The following NDUFC1 variants were observed in gnomAD, a reference collection of about 807,000 sequenced individuals.
NDUFC1 encodes the protein NADH dehydrogenase [ubiquinone] 1 subunit C1, mitochondrial.
A neutral mutation model predicts 11.6 loss-of-function variants in NDUFC1; 11 were observed. That is an observed-to-expected ratio of 0.95 (90% CI 0.60 to 1.58). NDUFC1 has a LOEUF of 1.58. Ranked by LOEUF, NDUFC1 falls within the 40% of genes most tolerant of loss-of-function variation. The pLI, the probability that NDUFC1 is intolerant of heterozygous loss-of-function variation, is 0.00. For missense variants in NDUFC1, 112 were observed against 93.0 expected (o/e 1.20, Z -0.84); for synonymous variants, 52 against 42.2 (o/e 1.23, Z -0.90).
chr4:139,289,919 G>C (rs545987938), downstream of NDUFC1: 1 of 152,282 alleles, frequency 6.6e-6, no homozygotes, highest in African/African-American at 2.4e-5. Flanking sequence ...TCTACAAGTT[G>C]TCACAATATG....
chr4:139,298,571 T>C (rs946648812), intron 1 of NDUFC1, among the ~76,000 whole-genome samples: 1 of 151,930 alleles, frequency 6.6e-6, no homozygotes, highest in African/African-American at 2.4e-5. Flanking sequence ...CTGGGCAACA[T>C]TGAGAAATCC....
intron 4 of NDUFC1, among the ~76,000 whole-genome samples, chr4:139,292,881 C>T (rs556842999): frequency 1.6e-4 from 25 of 151,872 alleles, no homozygotes; most frequent in African/African-American, 6.0e-4. Flanking sequence ...AGTGGAATGG[C>T]GTGATCTTGG....
intron 3 of NDUFC1, among the ~76,000 whole-genome samples, chr4:139,295,376 G>A (rs6815500): frequency 0.27 from 40,407 of 151,962 alleles, 5,682 homozygotes; most frequent in African/African-American, 0.35. Flanking sequence ...CTCGTTTAAG[G>A]GCTTGCGGAC....
intron 5 of NDUFC1, among the ~76,000 whole-genome samples, chr4:139,291,059 G>A (rs546322722): frequency 2.0e-5 from 3 of 150,822 alleles, no homozygotes; most frequent in Non-Finnish European, 4.4e-5. Flanking sequence ...TGATCCACTC[G>A]CCTCAGCCTC....
At position 139,301,848 on chromosome 4, in the gene NDUFC1, G is replaced by A. The variant is rs1306810111; in HGVS notation, c.-222+568C>T. 7.0e-6 allele frequency: 11 copies of A among 1,582,622 alleles called. No individual in the cohort carries two copies. In the Admixed American group the frequency reaches 7.0e-5, roughly 10 times the overall value. Reference sequence around the variant, plus strand: ...CGGATCTTGGTAAGTGTGAGGCTCCGGGCAAGCGGTGGGGAGGATTTAGCC... The same window carrying A: ...CGGATCTTGGTAAGTGTGAGGCTCCAGGCAAGCGGTGGGGAGGATTTAGCC... On this transcript the variant is annotated intron_variant, in intron 1 of 5. Transcript: ENST00000394223.
Position 139,301,801 on chromosome 4 carries a change from C to T in NDUFC1, c.-222+615G>A, listed in dbSNP as rs756398962. ...CGATGCCGGCCGTGAGCCTCCCGCCCAAGGAGAATGCGCTCTTCAAGCGGA... is the reference window on the plus strand; with the variant it reads ...CGATGCCGGCCGTGAGCCTCCCGCCTAAGGAGAATGCGCTCTTCAAGCGGA... On this transcript the variant is annotated intron_variant, in intron 1 of 5. Coordinates refer to ENST00000394223, the MANE Select transcript of NDUFC1 (RefSeq NM_001184989.2). The T allele has an allele frequency of 3.8e-6, 6 of 1,590,076 alleles. No homozygotes were observed. The African/African-American group carries it at 5.4e-5, about 14-fold the overall frequency.
At chr4:139,301,738 G>C (rs1043324484) in intron 1 of NDUFC1, 2 of 1,543,974 alleles carry the variant, frequency 1.3e-6, no homozygotes, top group Non-Finnish European at 1.8e-6. Context: ...CTGACTGACC[G>C]AGCCGGGTGG....
At position 139,295,891 on chromosome 4, in the gene NDUFC1, G is replaced by C; in HGVS notation, c.-93C>G. ...CGGGACTCGAGGGCTCTGCAGCAGA[G>C]CTCCGTGGGGGCGTCAACGTGAATT... On this transcript the variant is annotated 5_prime_UTR_variant, in exon 3 of 6. Transcript: ENST00000394223. 7.7e-7 allele frequency: 1 copy of C among 1,297,784 alleles called. No individual in the cohort carries two copies. The allele number at this position is 1,297,784 out of a possible 1,614,324, so 80.4% of individuals were successfully genotyped here.
chr4:139,300,841 T>C (rs1361748112), intron 1 of NDUFC1: 1 of 152,224 alleles, frequency 6.6e-6, no homozygotes, highest in Non-Finnish European at 1.5e-5. Flanking sequence ...TTATATGGCC[T>C]CAACAACGAA....
In NDUFC1 at chr4:139,301,326, T is replaced by C. The variant is rs6851954; in HGVS notation, c.-222+1090A>G. ...CGTAGCTCCGCGGGCGCTTCGAGGG[T>C]ACCACGCACTGAAATGATGGGCGGG... On this transcript the variant is annotated intron_variant, in intron 1 of 5. Transcript: ENST00000394223. The C allele has an allele frequency of 0.9, 358,741 of 399,296 alleles. 161,566 individuals carry two copies. Among genetic ancestry groups the C allele is most frequent in the African/African-American group, 0.97 (47,367 of 48,640 alleles). 24.7% of individuals were successfully genotyped at this position (399,296 alleles called of 1,614,324 possible).
At chr4:139,295,583 C>G in intron 3 of NDUFC1, 149 bp downstream of exon 3, 2 of 778,830 alleles carry the variant, frequency 2.6e-6, no homozygotes, top group Non-Finnish European at 4.0e-6. Context: ...GCGTAGGGGA[C>G]AGGCGTGGGC....
At chr4:139,299,221 G>C (rs1009239147) in intron 1 of NDUFC1, among the ~76,000 whole-genome samples, 3 of 151,546 alleles carry the variant, frequency 2.0e-5, no homozygotes, top group African/African-American at 7.3e-5. Flanking sequence ...GCCCGCCTCA[G>C]CCTCCCAAAG....
At chr4:139,290,868 T>C (rs930367146) in intron 5 of NDUFC1, among the ~76,000 whole-genome samples, 1 of 151,888 alleles carries the variant, frequency 6.6e-6, no homozygotes, top group Non-Finnish European at 1.5e-5. Flanking sequence ...TAGCCCAATA[T>C]TGGCTCAATG....
chr4:139,292,095 C>T (rs1400471442), intron 5 of NDUFC1, among the ~76,000 whole-genome samples: 1 of 152,146 alleles, frequency 6.6e-6, no homozygotes, highest in African/African-American at 2.4e-5. Flanking sequence ...CCTCGGCCTC[C>T]CAAAGTGCTG....
chr4:139,297,067 CAAGT>C (rs1443355402), intron 2 of NDUFC1, among the ~76,000 whole-genome samples: 1 of 152,184 alleles, frequency 6.6e-6, no homozygotes, highest in Non-Finnish European at 1.5e-5. Flanking sequence ...GACTCATGCT[CAAGT>C]AAGTAAACTA....
At chr4:139,291,404 G>A (rs945111574) in intron 5 of NDUFC1, among the ~76,000 whole-genome samples, 14 of 151,790 alleles carry the variant, frequency 9.2e-5, no homozygotes, top group South Asian at 2.1e-4. Context: ...GGAAAAGCCC[G>A]TCTCTATCAA....
intron 4 of NDUFC1, among the ~76,000 whole-genome samples, chr4:139,293,176 G>A (rs1271639309): frequency 2.6e-5 from 4 of 152,238 alleles, no homozygotes; most frequent in East Asian, 1.9e-4. Context: ...GGTAATAAAC[G>A]TAATGAAATG....
chr4:139,294,958 A>G (rs891581558), intron 4 of NDUFC1, 85 bp downstream of exon 4: 8 of 974,452 alleles, frequency 8.2e-6, no homozygotes, highest in Non-Finnish European at 1.3e-5. Context: ...TACAACATAT[A>G]ACAGCACCAT....
intron 1 of NDUFC1, chr4:139,301,434 A>T (rs560963049): frequency 2.3e-6 from 1 of 432,458 alleles, no homozygotes; most frequent in Admixed American, 4.2e-5. Context: ...GGAGGTGGGG[A>T]AAGGAGGTCA....
Sources: gnomAD v4.1 joint callset for allele counts (sites outside exome capture counted in the v4.1 genomes callset) on GRCh38, gnomAD v4.1.1 for gene constraint, MANE v1.5 for transcripts, NCBI Gene and HGNC (gene_info 2026-07-23, HGNC 2026-07-21) for gene names.